The following MAML3 variants were observed in gnomAD, a reference collection of about 807,000 sequenced individuals.
The protein encoded by MAML3 is mastermind like transcriptional coactivator 3.
MAML3 carries 27 observed loss-of-function variants against 101.9 expected under a neutral mutation model. The ratio of observed to expected loss-of-function variants is 0.27; its 90% CI spans 0.20 to 0.37. The LOEUF (loss-of-function observed/expected upper bound fraction) is 0.37. MAML3 is among the 10% of genes least tolerant of loss of function. MAML3 has a pLI of 1.00. For missense variants in MAML3, 1,316 were observed against 1,444.9 expected, an observed-to-expected ratio of 0.91 and a Z score of 1.45; for synonymous variants, 501 against 555.9, an observed-to-expected ratio of 0.90 and a Z score of 1.39.
At chr4:139,788,914 TCTTTG>T (rs1279603281) in intron 2 of MAML3, among the ~76,000 whole-genome samples, 1 of 152,236 alleles carries the variant, frequency 6.6e-6, no homozygotes, top group Non-Finnish European at 1.5e-5. Flanking sequence ...TGGATCACTT[TCTTTG>T]TGAAAGAAAA....
At chr4:139,808,851 C>T (rs534478451) in intron 2 of MAML3, among the ~76,000 whole-genome samples, 149 of 152,258 alleles carry the variant, frequency 9.8e-4, no homozygotes, top group African/African-American at 3.3e-3. Context: ...CTCCTCTCAG[C>T]GATCCCTGAG....
intron 2 of MAML3, among the ~76,000 whole-genome samples, chr4:139,820,929 G>T (rs1730961952): frequency 6.6e-6 from 1 of 152,084 alleles, no homozygotes; most frequent in African/African-American, 2.4e-5. Context: ...CAAGGAGTAG[G>T]ACCACCTTTG....
chr4:139,956,729 C>T (rs1733923916), intron 1 of MAML3, among the ~76,000 whole-genome samples: 1 of 152,124 alleles, frequency 6.6e-6, no homozygotes, highest in Non-Finnish European at 1.5e-5. Context: ...GTTTCTTTCA[C>T]AGAGAAAACA....
intron 1 of MAML3, among the ~76,000 whole-genome samples, chr4:139,907,333 G>A (rs747769239): frequency 1.4e-4 from 22 of 152,156 alleles, no homozygotes; most frequent in Non-Finnish European, 2.9e-4. Context: ...AGCTCTAAGA[G>A]TCCCTATTTG....
chr4:139,756,815 G>T (rs1194880271), intron 2 of MAML3, among the ~76,000 whole-genome samples: 2 of 152,074 alleles, frequency 1.3e-5, no homozygotes, highest in African/African-American at 4.8e-5. Flanking sequence ...TAATTATCTG[G>T]GGAAACACCC....
intron 3 of MAML3, among the ~76,000 whole-genome samples, chr4:139,728,399 A>G (rs1728564485): frequency 6.6e-6 from 1 of 152,160 alleles, no homozygotes; most frequent in Non-Finnish European, 1.5e-5. Flanking sequence ...GCCCCCACAT[A>G]CATGTGTGCA....
At chr4:140,070,133 A>AATAC (rs1349494643) in intron 1 of MAML3, among the ~76,000 whole-genome samples, 6 of 151,850 alleles carry the variant, frequency 4.0e-5, no homozygotes, top group Admixed American at 1.3e-4. Context: ...TAAATAAATA[A>AATAC]ATAAATAAAT....
intron 1 of MAML3, among the ~76,000 whole-genome samples, chr4:140,143,027 TACAG>T (rs1457833936): frequency 5.3e-5 from 8 of 152,246 alleles, no homozygotes; most frequent in Admixed American, 5.2e-4. Context: ...TGAATTTTGT[TACAG>T]AAAGCAATGC....
intron 1 of MAML3, among the ~76,000 whole-genome samples, chr4:139,977,309 C>T (rs185456885): frequency 2.0e-5 from 3 of 152,236 alleles, no homozygotes; most frequent in African/African-American, 4.8e-5. Context: ...GGACGGCCCC[C>T]GCCACAGAGA....
At position 139,735,899 on chromosome 4, in the gene MAML3, T is replaced by A. The variant is rs1728922591; in HGVS notation, c.2080-5232A>T. Among the ~76,000 whole-genome samples, 1 of 149,834 alleles carries A rather than the reference T, an allele frequency of 6.7e-6. No homozygotes were observed. The highest frequency in any genetic ancestry group is 2.5e-5 in the African/African-American group (1 of 40,602). On this transcript the variant is annotated intron_variant, in intron 2 of 4. Transcript: ENST00000509479. This position sits in a 1 kb window ranked among gnomAD's most constrained non-coding sequence, Gnocchi z 5.8. ...GGAGACCCGCGAGGGGCCCTGGAGG[T>A]CCTCGGCCCGCGCGCGCCGCTCGGG...
chr4:140,112,475 T>C (rs1728453348), intron 1 of MAML3, among the ~76,000 whole-genome samples: 1 of 152,244 alleles, frequency 6.6e-6, no homozygotes, highest in South Asian at 2.1e-4. Flanking sequence ...CTGCAGAAAG[T>C]AGCCAGCGAG....
chr4:140,004,845 GT>G (rs938034148), intron 1 of MAML3, among the ~76,000 whole-genome samples: 17 of 148,606 alleles, frequency 1.1e-4, no homozygotes, highest in East Asian at 3.9e-4. Flanking sequence ...TTTTCCTTAG[GT>G]TTTTTTTTTA....
chr4:140,113,017 A>G (rs758912473), intron 1 of MAML3, among the ~76,000 whole-genome samples: 15 of 152,218 alleles, frequency 9.9e-5, no homozygotes, highest in Non-Finnish European at 1.6e-4. Flanking sequence ...GCAGTGGCTC[A>G]TGCCTGTAAT....
At chr4:140,131,497 TAG>T (rs1435217792) in intron 1 of MAML3, among the ~76,000 whole-genome samples, 1 of 152,184 alleles carries the variant, frequency 6.6e-6, no homozygotes. Context: ...AAAGATGCTT[TAG>T]AAGGTAACAA....
chr4:139,799,674 G>A (rs903940086), intron 2 of MAML3, among the ~76,000 whole-genome samples: 1 of 152,190 alleles, frequency 6.6e-6, no homozygotes, highest in Non-Finnish European at 1.5e-5. Context: ...AAGACAGGAA[G>A]GAGATGCATT....
chr4:139,811,149 A>T (rs7656068), intron 2 of MAML3, among the ~76,000 whole-genome samples: 4,026 of 152,310 alleles, frequency 0.026, 187 homozygotes, highest in African/African-American at 0.092. Flanking sequence ...TTCTTATTAC[A>T]TGAGGAAAAT....
chr4:139,801,643 GGTGTGT>G lies in MAML3; in HGVS notation c.2080-70982_2080-70977del, dbSNP rs755484864. 4.1e-3 allele frequency among the ~76,000 whole-genome samples: 125 copies of G among 30,772 alleles called. 1 individual carries two copies. Among genetic ancestry groups the G allele is most frequent in the Admixed American group, 0.02 (55 of 2,690 alleles). 20.2% of individuals were successfully genotyped at this position (30,772 alleles called of 152,430 possible). A position where few individuals can be genotyped will look rare whatever the true frequency, so the allele number is the denominator to read the frequency against. ...AAAGAGCAGGAACAGGGTGTGTGTG[GGTGTGT>G]GTGTGTGTGTGTGTGTGTGTGTGTG... On this transcript the variant is annotated intron_variant, in intron 2 of 4. Transcript: ENST00000509479.
intron 2 of MAML3, among the ~76,000 whole-genome samples, chr4:139,739,752 A>G (rs1454190150): frequency 6.7e-6 from 1 of 150,096 alleles, no homozygotes; most frequent in Admixed American, 6.6e-5. Context: ...CAGTTTCTAA[A>G]AACACTAGCC....
chr4:139,912,434 AG>A (rs1732941775), intron 1 of MAML3, among the ~76,000 whole-genome samples: 1 of 152,244 alleles, frequency 6.6e-6, no homozygotes, highest in Admixed American at 6.5e-5. Context: ...ACAGGAAAAC[AG>A]GTAACATTCT....
Sources: allele counts gnomAD v4.1 joint callset (sites outside exome capture counted in the v4.1 genomes callset), GRCh38; gene constraint gnomAD v4.1.1; non-coding constraint Gnocchi (gnomAD v3.1); transcripts MANE v1.5; gene names NCBI Gene and HGNC (gene_info 2026-07-23, HGNC 2026-07-21).